The following GUCY1A2 variants were observed in gnomAD, a reference collection of about 807,000 sequenced individuals.
The protein encoded by GUCY1A2 is guanylate cyclase soluble subunit alpha-2.
Under a neutral mutation model 63.5 loss-of-function variants are expected in GUCY1A2, and 27 were observed. The ratio of observed to expected loss-of-function variants is 0.43; its 90% CI spans 0.31 to 0.59. The LOEUF (loss-of-function observed/expected upper bound fraction) is 0.59. Ranked by LOEUF, GUCY1A2 falls within the 20% of genes least tolerant of loss-of-function variation. The probability of loss-of-function intolerance (pLI) is 0.11; values close to 1 mark genes in which losing one functional copy is unlikely to be tolerated. For missense variants in GUCY1A2, 768 were observed against 913.3 expected (o/e 0.84, Z 2.05); for synonymous variants, 364 against 343.5 (o/e 1.06, Z -0.66).
intron 2 of GUCY1A2, among the ~76,000 whole-genome samples, chr11:106,979,609 A>C (rs1012199202): frequency 6.6e-6 from 1 of 152,162 alleles, no homozygotes; most frequent in Non-Finnish European, 1.5e-5. Flanking sequence ...CTCTCATAAA[A>C]TGGAGGTACC....
intron 7 of GUCY1A2, among the ~76,000 whole-genome samples, chr11:106,707,089 G>T (rs967744950): frequency 6.6e-6 from 1 of 152,084 alleles, no homozygotes; most frequent in Non-Finnish European, 1.5e-5. Context: ...TTAGTAAGAG[G>T]TGTGTCTTTA....
At chr11:106,965,880 C>T (rs1861120271) in intron 3 of GUCY1A2, among the ~76,000 whole-genome samples, 1 of 150,728 alleles carries the variant, frequency 6.6e-6, no homozygotes, top group Non-Finnish European at 1.5e-5. Flanking sequence ...AGTGGAGAAA[C>T]CAGAACTTTC....
At chr11:106,868,944 A>G (rs575666092) in intron 4 of GUCY1A2, among the ~76,000 whole-genome samples, 172 of 152,344 alleles carry the variant, frequency 1.1e-3, no homozygotes, top group African/African-American at 3.9e-3. Flanking sequence ...GTCCTCAGAA[A>G]TAATACCACA....
Position 106,915,648 on chromosome 11 carries a change from C to A in GUCY1A2, c.1206+23812G>T, listed in dbSNP as rs149064877. On this transcript the variant is annotated intron_variant, in intron 4 of 7. Coordinates refer to ENST00000526355, the MANE Select transcript of GUCY1A2 (RefSeq NM_000855.3). ...ATTATCTCGCTGTAAATTCAGTAGT[C>A]ACTGAAGCATTTCTAAGTTACTTAC... is the stretch of plus-strand genomic sequence containing the variant. Among the ~76,000 whole-genome samples the A allele has an allele frequency of 1.4e-4, 20 of 145,182 alleles. No homozygotes were observed. The East Asian group carries it at 3.8e-3, about 28-fold the overall frequency.
At chr11:106,876,744 A>G (rs1859754810) in intron 4 of GUCY1A2, among the ~76,000 whole-genome samples, 1 of 152,082 alleles carries the variant, frequency 6.6e-6, no homozygotes. Context: ...TACATACTTT[A>G]CATTTCATTT....
intron 3 of GUCY1A2, among the ~76,000 whole-genome samples, chr11:106,954,181 T>A (rs1455077868): frequency 6.6e-6 from 1 of 152,202 alleles, no homozygotes; most frequent in Non-Finnish European, 1.5e-5. Context: ...TAACACTGTT[T>A]TAGCTATGTT....
intron 6 of GUCY1A2, among the ~76,000 whole-genome samples, chr11:106,760,499 A>ACTT (rs1286394937): frequency 6.6e-6 from 1 of 152,174 alleles, no homozygotes; most frequent in Non-Finnish European, 1.5e-5. Flanking sequence ...ATAGTTTTTC[A>ACTT]CTTTTTAATA....
intron 4 of GUCY1A2, among the ~76,000 whole-genome samples, chr11:106,836,274 G>T (rs1309734542): frequency 6.6e-6 from 1 of 151,780 alleles, no homozygotes; most frequent in Non-Finnish European, 1.5e-5. Flanking sequence ...ATAAACAGTT[G>T]ATTAACACAT....
At chr11:106,763,235 C>T (rs1392513362) in intron 6 of GUCY1A2, among the ~76,000 whole-genome samples, 1 of 151,902 alleles carries the variant, frequency 6.6e-6, no homozygotes. Context: ...TTATTCATAA[C>T]AATGTAATTT....
intron 4 of GUCY1A2, among the ~76,000 whole-genome samples, chr11:106,855,197 G>T (rs1378259639): frequency 6.6e-6 from 1 of 152,120 alleles, no homozygotes; most frequent in Non-Finnish European, 1.5e-5. Flanking sequence ...ACCCTAGGCA[G>T]CTCCCTGTAC....
intron 5 of GUCY1A2, among the ~76,000 whole-genome samples, chr11:106,798,546 C>T (rs1333451726): frequency 6.6e-6 from 1 of 152,264 alleles, no homozygotes; most frequent in Non-Finnish European, 1.5e-5. Flanking sequence ...TCCAGCAGCA[C>T]ATCAAAAAGC....
intron 4 of GUCY1A2, among the ~76,000 whole-genome samples, chr11:106,926,153 T>G (rs1397113869): frequency 6.6e-5 from 10 of 152,064 alleles, no homozygotes; most frequent in African/African-American, 9.7e-5. Context: ...GGCGCAGTGG[T>G]TCACGTCTAT....
chr11:106,891,078 A>T (rs1859967055), intron 4 of GUCY1A2, among the ~76,000 whole-genome samples: 1 of 152,190 alleles, frequency 6.6e-6, no homozygotes, highest in Non-Finnish European at 1.5e-5. Context: ...TGGTTATACC[A>T]GTTACATTTC....
intron 4 of GUCY1A2, among the ~76,000 whole-genome samples, chr11:106,813,264 G>C (rs1355529442): frequency 1.3e-5 from 2 of 151,888 alleles, no homozygotes; most frequent in African/African-American, 4.8e-5. Context: ...CATAACAAAG[G>C]GGAGTATTTT....
chr11:106,968,636 A>G (rs547730032), intron 3 of GUCY1A2, among the ~76,000 whole-genome samples: 2 of 152,198 alleles, frequency 1.3e-5, no homozygotes, highest in Non-Finnish European at 2.9e-5. Context: ...TTCTCCCTCC[A>G]TTCCATCAAT....
intron 4 of GUCY1A2, among the ~76,000 whole-genome samples, chr11:106,874,711 C>G (rs1238533565): frequency 6.6e-6 from 1 of 151,906 alleles, no homozygotes; most frequent in Non-Finnish European, 1.5e-5. Context: ...AGCAACAGAA[C>G]TACTCTCTCT....
chr11:106,999,451 T>C (rs768911523), intron 1 of GUCY1A2, among the ~76,000 whole-genome samples: 12 of 152,170 alleles, frequency 7.9e-5, no homozygotes, highest in Non-Finnish European at 1.6e-4. Flanking sequence ...AACTTTGTTA[T>C]TTTAGGTTTT....
intron 4 of GUCY1A2, among the ~76,000 whole-genome samples, chr11:106,925,129 T>C (rs1026888414): frequency 1.3e-5 from 2 of 151,442 alleles, no homozygotes; most frequent in Non-Finnish European, 2.9e-5. Context: ...CTTATCAAAG[T>C]CCATTAAAAT....
chr11:106,990,826 A>G (rs2445098), intron 1 of GUCY1A2, among the ~76,000 whole-genome samples: 34,044 of 152,074 alleles, frequency 0.22, 4,270 homozygotes, highest in East Asian at 0.5. Context: ...CTGAAAGTCT[A>G]TATTCTTATT....
Sources: allele counts gnomAD v4.1 joint callset (sites outside exome capture counted in the v4.1 genomes callset), GRCh38; gene constraint gnomAD v4.1.1; transcripts MANE v1.5; gene names NCBI Gene and HGNC (gene_info 2026-07-23, HGNC 2026-07-21).